The following ATL1 variants were observed in gnomAD, a reference collection of about 807,000 sequenced individuals.
ATL1 encodes the protein atlastin GTPase 1.
A neutral mutation model predicts 75.5 loss-of-function variants in ATL1; 31 were observed. The observed-to-expected ratio is 0.41, with a 90% confidence interval of 0.31 to 0.55. The LOEUF is 0.55. Ranked by LOEUF, ATL1 falls within the 20% of genes least tolerant of loss-of-function variation. The pLI is 0.27. For synonymous variants in ATL1, 226 were observed against 233.3 expected, an observed-to-expected ratio of 0.97 and a Z score of 0.28; for missense variants, 405 against 662.6, an observed-to-expected ratio of 0.61 and a Z score of 4.27.
intron 1 of ATL1, among the ~76,000 whole-genome samples, chr14:50,569,296 GCTGCATTGAGCCATGATCATGCCA>G (rs1362082841): frequency 6.6e-6 from 1 of 152,052 alleles, no homozygotes. Flanking sequence ...GGAAGTTGAG[GCTGCATTGAGCCATGATCATGCCA>G]CTGCATTCTA....
At chr14:50,567,257 G>T (rs1190229936) in intron 1 of ATL1, among the ~76,000 whole-genome samples, 2 of 151,858 alleles carry the variant, frequency 1.3e-5, no homozygotes, top group Admixed American at 1.3e-4. Flanking sequence ...ATAGCAAAAT[G>T]TCCTCAAGTT....
At chr14:50,619,155 C>T (rs1011790152) in intron 8 of ATL1, among the ~76,000 whole-genome samples, 73 of 152,284 alleles carry the variant, frequency 4.8e-4, no homozygotes, top group African/African-American at 1.6e-3. Flanking sequence ...CGGGTTCAAG[C>T]GATTCCCCTG....
intron 10 of ATL1, among the ~76,000 whole-genome samples, chr14:50,622,709 A>G (rs2039479698): frequency 6.6e-6 from 1 of 152,084 alleles, no homozygotes; most frequent in South Asian, 2.1e-4. Flanking sequence ...ATAAATTTTA[A>G]AAAGGGAGAA....
intron 1 of ATL1, among the ~76,000 whole-genome samples, chr14:50,553,728 A>G (rs1384980156): frequency 6.6e-6 from 1 of 152,360 alleles, no homozygotes; most frequent in East Asian, 1.9e-4. Flanking sequence ...ATGAGCGGAT[A>G]AAGGAAATGT....
intron 11 of ATL1, among the ~76,000 whole-genome samples, chr14:50,625,717 T>C (rs1249690292): frequency 6.6e-6 from 1 of 152,070 alleles, no homozygotes; most frequent in Non-Finnish European, 1.5e-5. Flanking sequence ...CGAGGTCAGA[T>C]AGAGACCACG....
intron 1 of ATL1, among the ~76,000 whole-genome samples, chr14:50,581,758 T>C (rs2039057071): frequency 6.6e-6 from 1 of 152,178 alleles, no homozygotes; most frequent in Non-Finnish European, 1.5e-5. Flanking sequence ...TTGGTAAATG[T>C]TCCATATGAA....
chr14:50,597,227 A>AAAAAG (rs1555364380), intron 6 of ATL1, among the ~76,000 whole-genome samples: 5 of 150,386 alleles, frequency 3.3e-5, no homozygotes, highest in South Asian at 2.1e-4. Flanking sequence ...AAACAAAAAA[A>AAAAAG]AAAAAAGAAA....
intron 2 of ATL1, among the ~76,000 whole-genome samples, chr14:50,589,140 T>C (rs1461811421): frequency 1.9e-4 from 29 of 150,430 alleles, no homozygotes; most frequent in Non-Finnish European, 3.0e-5. Flanking sequence ...GATATATTTT[T>C]TCTTTTCTTT....
chr14:50,562,764 A>G (rs1205848957), intron 1 of ATL1, among the ~76,000 whole-genome samples: 1 of 152,178 alleles, frequency 6.6e-6, no homozygotes, highest in African/African-American at 2.4e-5. Flanking sequence ...ATGCTTTACT[A>G]CTTAGATTTT....
upstream of ATL1, among the ~76,000 whole-genome samples, chr14:50,558,513 T>C (rs973209636): frequency 6.6e-5 from 10 of 152,214 alleles, no homozygotes; most frequent in African/African-American, 2.4e-4. Flanking sequence ...GAGCTATTTA[T>C]TTAAGCATTT....
intron 8 of ATL1, among the ~76,000 whole-genome samples, chr14:50,618,202 G>A (rs1031105578): frequency 3.3e-5 from 5 of 152,102 alleles, no homozygotes; most frequent in African/African-American, 1.2e-4. Context: ...TACATTCTAG[G>A]TGTATAGTAA....
At chr14:50,623,356 G>A in intron 11 of ATL1, 108 bp downstream of exon 11, 3 of 869,158 alleles carry the variant, frequency 3.5e-6, no homozygotes, top group Non-Finnish European at 5.7e-6. Context: ...CAATGAGGTG[G>A]CTTTGACTTT....
intron 6 of ATL1, among the ~76,000 whole-genome samples, chr14:50,609,611 C>G (rs911034175): frequency 4.6e-5 from 7 of 151,906 alleles, no homozygotes; most frequent in African/African-American, 1.7e-4. Flanking sequence ...CTCTATAGTC[C>G]TGAATTTGAA....
In ATL1 at chr14:50,632,420, T is replaced by G. The variant is rs1458148813; in HGVS notation, c.*81T>G. ...TATGTCTCCATGCAAACATTCAAAG[T>G]GCTTCCATCAGAACGGAGTAAAATA... On this transcript the variant is annotated 3_prime_UTR_variant, in exon 14 of 14. Coordinates refer to ENST00000358385, the MANE Select transcript of ATL1 (RefSeq NM_015915.5). 4.1e-6 allele frequency: 4 copies of G among 984,712 alleles called. No homozygotes were observed. The highest frequency in any genetic ancestry group is 6.3e-6 in the Non-Finnish European group (4 of 630,584). The allele number at this position is 984,712 out of a possible 1,614,324, so 61.0% of individuals were successfully genotyped here.
intron 1 of ATL1, among the ~76,000 whole-genome samples, chr14:50,546,589 T>C (rs2038635447): frequency 6.6e-6 from 1 of 152,302 alleles, no homozygotes; most frequent in South Asian, 2.1e-4. Context: ...AAAATAGAAA[T>C]GTCTTCAGAA....
chr14:50,550,349 G>A (rs1231342285), intron 1 of ATL1, among the ~76,000 whole-genome samples: 1 of 152,218 alleles, frequency 6.6e-6, no homozygotes, highest in Non-Finnish European at 1.5e-5. Flanking sequence ...ATACCCATGA[G>A]GGTCCCTACT....
chr14:50,560,184 T>C lies in ATL1; in HGVS notation c.-82T>C. ...CTGCGCCCAGCGCGGGCACGGAGCC[T>C]CCCACCGCCAGCAACCTGCGGCCCC... On this transcript the variant is annotated 5_prime_UTR_variant, in exon 1 of 14. Transcript: ENST00000358385. The C allele has an allele frequency of 1.9e-6, 3 of 1,565,438 alleles. No individual in the cohort carries two copies. Among genetic ancestry groups the C allele is most frequent in the Non-Finnish European group, 2.6e-6 (3 of 1,144,834 alleles).
chr14:50,591,553 G>A lies in ATL1; in HGVS notation c.436G>A (p.Asp146Asn). The A allele has an allele frequency of 6.2e-7, 1 of 1,613,364 alleles. No homozygotes were observed. The highest frequency in any genetic ancestry group is 8.5e-7 in the Non-Finnish European group (1 of 1,179,522). Residue 146 changes from aspartate to asparagine, a missense_variant, in exon 4 of 14, where the codon GAT (aspartate) becomes AAT (asparagine). By Grantham distance (23) the Asp-to-Asn change is conservative. This residue lies in a region of ATL1 where 126 missense variants were observed against 172.0 expected (regional missense o/e 0.73). Transcript: ENST00000358385. ...DGKKVAVLLM[D>N]TQGTFDSQST... is the part of the protein sequence containing the mutation. ...CCTGTAGGTTGCAGTGTTATTGATG[G>A]ATACTCAGGGAACCTTTGATAGTCA...
At chr14:50,614,965 G>C (rs573672511) in intron 8 of ATL1, among the ~76,000 whole-genome samples, 12 of 152,300 alleles carry the variant, frequency 7.9e-5, no homozygotes, top group African/African-American at 2.6e-4. Flanking sequence ...CACTAAAAAT[G>C]AAATCTTGTG....
Sources: allele counts gnomAD v4.1 joint callset (sites outside exome capture counted in the v4.1 genomes callset), GRCh38; gene constraint gnomAD v4.1.1; regional missense constraint gnomAD v4.1.1; transcripts MANE v1.5; gene names NCBI Gene and HGNC (gene_info 2026-07-23, HGNC 2026-07-21).